VAV2: variants seen among roughly 807,000 people sequenced by gnomAD.
VAV2 encodes the protein vav guanine nucleotide exchange factor 2.
A neutral mutation model predicts 132.5 loss-of-function variants in VAV2; 67 were observed. The observed-to-expected ratio is 0.51, with a 90% confidence interval of 0.42 to 0.62. VAV2 has a LOEUF of 0.62. Ranked by LOEUF, VAV2 falls within the 20% of genes least tolerant of loss-of-function variation. The pLI, the probability that VAV2 is intolerant of heterozygous loss-of-function variation, is 0.00. For synonymous variants in VAV2, 492 were observed against 443.5 expected, an observed-to-expected ratio of 1.11 and a Z score of -1.37; for missense variants, 938 against 1,153.6, an observed-to-expected ratio of 0.81 and a Z score of 2.71.
chr9:133,800,012 G>C (rs1185928105), intron 9 of VAV2, among the ~76,000 whole-genome samples: 2 of 152,220 alleles, frequency 1.3e-5, no homozygotes, highest in Non-Finnish European at 2.9e-5. Context: ...CTTGGTGCCA[G>C]GACCTGGGCT....
At chr9:133,812,658 C>T (rs562883107) in intron 4 of VAV2, among the ~76,000 whole-genome samples, 1 of 152,284 alleles carries the variant, frequency 6.6e-6, no homozygotes, top group South Asian at 2.1e-4. Flanking sequence ...TGAGTGCTTC[C>T]GGCTCAGCCC....
chr9:133,930,466 C>T (rs2789842), intron 2 of VAV2, among the ~76,000 whole-genome samples: 131,681 of 151,412 alleles, frequency 0.87, 58,141 homozygotes, highest in East Asian at 0.97. Context: ...CACTGCCACC[C>T]GGCCTCCTCT....
In VAV2 at chr9:133,976,224, G is replaced by C. The variant is rs569826718; in HGVS notation, c.204+15851C>G. Among the ~76,000 whole-genome samples, 20 of 152,182 alleles carry C rather than the reference G, an allele frequency of 1.3e-4. No individual in the cohort carries two copies. The East Asian group carries it at 3.9e-3, about 29-fold the overall frequency. On this transcript the variant is annotated intron_variant, in intron 1 of 29. Coordinates refer to ENST00000371850, the MANE Select transcript of VAV2 (RefSeq NM_001134398.2). Reference sequence around the variant, plus strand: ...CCATTTCAAAAAAAAAAAATGCTATGTTGGCCGCCTCTAGGGTCATCCTCC... The same window carrying C: ...CCATTTCAAAAAAAAAAAATGCTATCTTGGCCGCCTCTAGGGTCATCCTCC...
intron 2 of VAV2, among the ~76,000 whole-genome samples, chr9:133,869,067 G>A (rs1005226344): frequency 7.3e-5 from 11 of 150,072 alleles, no homozygotes; most frequent in Admixed American, 2.0e-4. Flanking sequence ...CACCATCTCC[G>A]CCCGCTGCAA....
Position 133,828,452 on chromosome 9 carries a change from C to CGTGG in VAV2, c.449+5819_449+5820insCCAC, listed in dbSNP as rs1321810689. On this transcript the variant is annotated intron_variant, in intron 4 of 29. Coordinates refer to ENST00000371850, the MANE Select transcript of VAV2 (RefSeq NM_001134398.2). ...GCCCACTGGGGCTGACCACTGACCA[C>CGTGG]GGGCATCGCCAGCTACCGCTGCGCC... Among the ~76,000 whole-genome samples, 7 of 10,772 alleles carry CGTGG rather than the reference C, an allele frequency of 6.5e-4. 1 individual carries two copies. Among genetic ancestry groups the CGTGG allele is most frequent in the East Asian group, 9.7e-3 (2 of 206 alleles). The allele number at this position is 10,772 out of a possible 152,430, so 7.1% of individuals were successfully genotyped here.
chr9:133,821,615 A>T (rs1258379294), intron 4 of VAV2, among the ~76,000 whole-genome samples: 1 of 152,238 alleles, frequency 6.6e-6, no homozygotes, highest in African/African-American at 2.4e-5. Flanking sequence ...GCCGGTCTCA[A>T]CACATAGTGT....
rs751439753 is a variant in VAV2 at position 133,806,136 on chromosome 9, A to T, written c.781T>A (p.Ser261Thr). 2 of 1,613,016 alleles carry T rather than the reference A, an allele frequency of 1.2e-6. No individual in the cohort carries two copies. The highest frequency in any genetic ancestry group is 1.7e-6 in the Non-Finnish European group (2 of 1,179,970). The change falls in exon 9 of 30, where the codon TCC becomes ACC. Residue 261 changes from serine (S) to threonine (T), a missense_variant. Coordinates refer to ENST00000371850, the MANE Select transcript of VAV2 (RefSeq NM_001134398.2). ...AGCGTGCTGCCCCCCACCATCACGG[A>T]CACGTCGATGGCCCTCAGGAAGCTG... The part of the protein sequence containing the change: ...HHSFLRAIDV[S>T]VMVGGSTLAK...
chr9:133,846,119 G>A (rs527323146), intron 3 of VAV2, among the ~76,000 whole-genome samples: 8 of 152,330 alleles, frequency 5.3e-5, no homozygotes, highest in Admixed American at 1.3e-4. Context: ...ATGGGGTTCC[G>A]TCTCCATCCC....
intron 4 of VAV2, among the ~76,000 whole-genome samples, chr9:133,831,381 A>G (rs1275396281): frequency 6.6e-6 from 1 of 152,074 alleles, no homozygotes; most frequent in Non-Finnish European, 1.5e-5. Flanking sequence ...GGTTGCAGTG[A>G]GCTGAGATCG....
chr9:133,827,028 C>T (rs988490020), intron 4 of VAV2, among the ~76,000 whole-genome samples: 11 of 152,192 alleles, frequency 7.2e-5, no homozygotes, highest in East Asian at 1.9e-4. Flanking sequence ...CAGCGGACCA[C>T]GCCCAGCCTC....
chr9:133,832,071 T>A (rs1836285072), intron 4 of VAV2, among the ~76,000 whole-genome samples: 1 of 152,204 alleles, frequency 6.6e-6, no homozygotes, highest in Non-Finnish European at 1.5e-5. Context: ...GGTACAGGCA[T>A]CCTACCATGT....
At position 133,788,469 on chromosome 9, in the gene VAV2, T is replaced by A; in HGVS notation, c.1292A>T (p.Asp431Val). The A allele has an allele frequency of 6.2e-7, 1 of 1,610,092 alleles. No individual in the cohort carries two copies. The highest frequency in any genetic ancestry group is 8.5e-7 in the Non-Finnish European group (1 of 1,176,754). ...TKQDRYLFLF[D>V]KVVIVCKRKG... ...CCGCTTGCAGACGATGACCACCTTG[T>A]CAAACAGGAACAAGTACCTGGGCCA... Residue 431 changes from aspartate (D) to valine (V), a missense_variant, in exon 15 of 30, where the codon GAC (aspartate) becomes GTC (valine). Transcript: ENST00000371850. The surrounding 1 kb of genome is among the most constrained non-coding windows in gnomAD (Gnocchi z 5.3).
At chr9:133,929,297 G>T (rs1013710622) in intron 2 of VAV2, among the ~76,000 whole-genome samples, 1 of 152,140 alleles carries the variant, frequency 6.6e-6, no homozygotes, top group African/African-American at 2.4e-5. Flanking sequence ...TTGTGGTGGG[G>T]GAAGGGGCAA....
intron 20 of VAV2, 40 bp from the exon 21 acceptor site, chr9:133,779,979 T>G (rs752623319): frequency 1.2e-6 from 2 of 1,610,824 alleles, no homozygotes; most frequent in East Asian, 4.5e-5. Context: ...GAGGGAAGGC[T>G]GCTCTTTGAC....
intron 2 of VAV2, among the ~76,000 whole-genome samples, chr9:133,909,180 A>T (rs1839785868): frequency 2.7e-5 from 4 of 149,768 alleles, no homozygotes. Flanking sequence ...TCATTCCGAG[A>T]ACTGTCTCCC....
intron 9 of VAV2, among the ~76,000 whole-genome samples, chr9:133,801,627 C>T (rs1281883075): frequency 1.3e-5 from 2 of 152,226 alleles, no homozygotes; most frequent in Non-Finnish European, 2.9e-5. Context: ...GACCAGAACT[C>T]GGCTGCAGTG....
rs137876024 is a variant in VAV2 at position 133,940,243 on chromosome 9, C to G, written c.205-1024G>C. On this transcript the variant is annotated intron_variant, in intron 1 of 29. Transcript: ENST00000371850. ...GGCACTGGGGTGTGGGAGCCATCAG[C>G]CCCCCAATCCAGCTCAGCACGGGGA... Among the ~76,000 whole-genome samples, 32 of 152,274 alleles carry G rather than the reference C, an allele frequency of 2.1e-4. 1 individual carries two copies. Among genetic ancestry groups the G allele is most frequent in the African/African-American group, 7.2e-4 (30 of 41,540 alleles).
chr9:133,851,401 C>T (rs2486351), intron 3 of VAV2, among the ~76,000 whole-genome samples: 43,828 of 152,168 alleles, frequency 0.29, 9,330 homozygotes, highest in African/African-American at 0.61. Context: ...ATCCTCATAA[C>T]AATCCAGTAA....
At chr9:133,837,088 A>C (rs1184218039) in intron 3 of VAV2, among the ~76,000 whole-genome samples, 1 of 152,184 alleles carries the variant, frequency 6.6e-6, no homozygotes, top group Non-Finnish European at 1.5e-5. Context: ...GACTTTGGAC[A>C]ACCTACTTAA....
Sources: allele counts gnomAD v4.1 joint callset (sites outside exome capture counted in the v4.1 genomes callset), GRCh38; gene constraint gnomAD v4.1.1; non-coding constraint Gnocchi (gnomAD v3.1); transcripts MANE v1.5; gene names NCBI Gene and HGNC (gene_info 2026-07-23, HGNC 2026-07-21).